Variants in WDPCP observed in about 807,000 individuals in gnomAD.
WDPCP encodes WD repeat containing planar cell polarity effector.
A neutral mutation model predicts 93.1 loss-of-function variants in WDPCP; 71 were observed. That is an observed-to-expected ratio of 0.76 (90% CI 0.63 to 0.93). The LOEUF (loss-of-function observed/expected upper bound fraction) is 0.93, where lower values mean the gene tolerates loss of function less well. Among genes scored for constraint, WDPCP ranks in the 40% least tolerant of loss-of-function variants. WDPCP has a pLI of 0.00. For missense variants in WDPCP, 844 were observed against 887.4 expected (o/e 0.95, Z 0.62); for synonymous variants, 315 against 315.0 (o/e 1.00, Z 0.00).
rs573958342 is a variant in WDPCP at position 63,760,723 on chromosome 2, C to T, written n.308+52899G>A. ...AAGGGCGAAGGTCTAGGACAAGAAT[C>T]TCTTCCAACTTGGTGGGTTGTCACT... On this transcript the variant is annotated intron_variant and non_coding_transcript_variant, in intron 2 of 4. Coordinates refer to the WDPCP transcript ENST00000467687. Among the ~76,000 whole-genome samples the T allele has an allele frequency of 3.6e-4, 55 of 152,314 alleles. 1 individual carries two copies. The highest frequency in any genetic ancestry group is 1.3e-3 in the African/African-American group (52 of 41,578).
At chr2:63,424,950 C>T (rs375907108) in intron 9 of WDPCP, among the ~76,000 whole-genome samples, 3 of 152,170 alleles carry the variant, frequency 2.0e-5, no homozygotes, top group African/African-American at 7.2e-5. Context: ...AGAGATGCTG[C>T]GAATGTGCTG....
At chr2:63,209,911 A>G (rs1045668962) in intron 14 of WDPCP, among the ~76,000 whole-genome samples, 1 of 152,198 alleles carries the variant, frequency 6.6e-6, no homozygotes, top group Admixed American at 6.5e-5. Flanking sequence ...CAAAACAGGA[A>G]GCATGATTAT....
At chr2:63,175,033 G>A (rs571369384) in intron 14 of WDPCP, among the ~76,000 whole-genome samples, 1 of 152,132 alleles carries the variant, frequency 6.6e-6, no homozygotes, top group South Asian at 2.1e-4. Context: ...AATAGTGAAT[G>A]TTTTCAAGTA....
At chr2:63,181,304 T>G (rs921388748) in intron 14 of WDPCP, among the ~76,000 whole-genome samples, 1 of 152,300 alleles carries the variant, frequency 6.6e-6, no homozygotes, top group Admixed American at 6.5e-5. Flanking sequence ...CCGTAGGTTT[T>G]CTTCTAGTAT....
chr2:63,216,455 G>A (rs186083479), intron 14 of WDPCP, among the ~76,000 whole-genome samples: 472 of 152,196 alleles, frequency 3.1e-3, no homozygotes, highest in Non-Finnish European at 5.4e-3. Flanking sequence ...ACTATCACAA[G>A]GATAGAAAAC....
chr2:63,131,672 T>C (rs534195064), intron 17 of WDPCP, among the ~76,000 whole-genome samples: 1 of 152,246 alleles, frequency 6.6e-6, no homozygotes, highest in Admixed American at 6.5e-5. Flanking sequence ...TATACTTTCA[T>C]GTGACTTTGT....
rs143301810 is a variant in WDPCP, at chr2:63,554,590, T to C, written c.75+33607A>G. Among the ~76,000 whole-genome samples the C allele has an allele frequency of 5.0e-3, 753 of 151,574 alleles. 10 individuals are homozygous for C. Among genetic ancestry groups the C allele is most frequent in the African/African-American group, 0.017 (695 of 41,288 alleles). On this transcript the variant is annotated intron_variant, in intron 1 of 17. Transcript: ENST00000272321. ...ATCACTTGAACCCAGGAGGCGGAGGTTGCAGTGAGCCAAGATTGCGCCATT... is the reference window on the plus strand; with the variant it reads ...ATCACTTGAACCCAGGAGGCGGAGGCTGCAGTGAGCCAAGATTGCGCCATT...
chr2:63,222,724 G>T (rs1012919898), intron 14 of WDPCP, among the ~76,000 whole-genome samples: 64 of 152,154 alleles, frequency 4.2e-4, no homozygotes, highest in Non-Finnish European at 1.8e-4. Flanking sequence ...CTGTGATTTT[G>T]TGTACAGGTA....
At chr2:63,446,102 A>G (rs1174789404) in intron 6 of WDPCP, among the ~76,000 whole-genome samples, 1 of 152,130 alleles carries the variant, frequency 6.6e-6, no homozygotes, top group Non-Finnish European at 1.5e-5. Context: ...GTTGACTTCC[A>G]TGCAATATCC....
chr2:63,700,278 G>C lies in WDPCP; in HGVS notation n.309-49440C>G, dbSNP rs564284456. Among the ~76,000 whole-genome samples, 125 of 85,630 alleles carry C rather than the reference G, an allele frequency of 1.5e-3. 1 individual carries two copies. The highest frequency in any genetic ancestry group is 6.1e-3 in the African/African-American group (113 of 18,588). 56.2% of individuals were successfully genotyped at this position (85,630 alleles called of 152,430 possible). ...AGCCTGGGTGACAGAGTGAGACCCT[G>C]TCTCAAAAAAAAAAAAAAAAAAAAA... On this transcript the variant is annotated intron_variant and non_coding_transcript_variant, in intron 2 of 4. Coordinates refer to the WDPCP transcript ENST00000467687.
chr2:63,573,604 T>C (rs139535698), intron 1 of WDPCP, among the ~76,000 whole-genome samples: 2,344 of 152,222 alleles, frequency 0.015, 67 homozygotes, highest in African/African-American at 0.054. Flanking sequence ...CCTGTGATGA[T>C]TGCGTTAACT....
At chr2:63,567,402 A>G (rs1207216342) in intron 1 of WDPCP, among the ~76,000 whole-genome samples, 3 of 152,238 alleles carry the variant, frequency 2.0e-5, no homozygotes, top group Non-Finnish European at 4.4e-5. Flanking sequence ...CTAAAAACCA[A>G]GAACAAAGAC....
chr2:63,588,315 C>G lies in WDPCP; in HGVS notation c.-44G>C, dbSNP rs2083907099. ...GCAGAAGGTTCCTAGGCTAGGTCCT[C>G]GGACCCGAGAGGGAGCGACACGCTC... is the stretch of plus-strand genomic sequence containing the variant. On this transcript the variant is annotated 5_prime_UTR_variant, in exon 1 of 18. Transcript: ENST00000272321. 1 of 1,553,016 alleles carries G rather than the reference C, an allele frequency of 6.4e-7. No individual in the cohort carries two copies. Among genetic ancestry groups the G allele is most frequent in the African/African-American group, 1.4e-5 (1 of 73,190 alleles).
chr2:63,157,330 C>T (rs1362245421), intron 15 of WDPCP, among the ~76,000 whole-genome samples: 6 of 151,194 alleles, frequency 4.0e-5, no homozygotes, highest in South Asian at 2.1e-4. Flanking sequence ...TTTTTTCTTT[C>T]GTTTTGTAAA....
intron 12 of WDPCP, among the ~76,000 whole-genome samples, chr2:63,332,092 A>G (rs1002908690): frequency 8.0e-5 from 12 of 150,550 alleles, no homozygotes; most frequent in East Asian, 7.8e-4. Context: ...ACATATATAT[A>G]TGTGTGTGTG....
intron 1 of WDPCP, among the ~76,000 whole-genome samples, chr2:63,540,065 A>G (rs6738190): frequency 0.81 from 122,538 of 152,138 alleles, 49,999 homozygotes; most frequent in East Asian, 0.98. Flanking sequence ...CTACATAGAA[A>G]CTTTTCGGTA....
At chr2:63,618,804 C>A (rs1366535850) in intron 3 of WDPCP, among the ~76,000 whole-genome samples, 1 of 151,990 alleles carries the variant, frequency 6.6e-6, no homozygotes, top group Admixed American at 6.6e-5. Flanking sequence ...AATTCTCCTG[C>A]CTCAGCTCCT....
intron 2 of WDPCP, among the ~76,000 whole-genome samples, chr2:63,745,447 T>C (rs115879774): frequency 0.012 from 1,869 of 152,314 alleles, 16 homozygotes; most frequent in Non-Finnish European, 0.015. Context: ...ACTATCATTA[T>C]TAAATTTAAA....
intron 3 of WDPCP, among the ~76,000 whole-genome samples, chr2:63,614,707 T>A (rs981639595): frequency 2.6e-5 from 4 of 152,146 alleles, no homozygotes; most frequent in African/African-American, 4.8e-5. Context: ...TAGAAAGACC[T>A]CTTTTTCCCT....
Sources: gnomAD v4.1 joint callset for allele counts (sites outside exome capture counted in the v4.1 genomes callset) on GRCh38, gnomAD v4.1.1 for gene constraint, MANE v1.5 for transcripts, NCBI Gene and HGNC (gene_info 2026-07-23, HGNC 2026-07-21) for gene names.